PRKN: variants seen among roughly 807,000 people sequenced by gnomAD.
The protein encoded by PRKN is parkin RBR E3 ubiquitin protein ligase.
Under a neutral mutation model 59.5 loss-of-function variants are expected in PRKN, and 56 were observed. The observed-to-expected ratio is 0.94, with a 90% CI of 0.76 to 1.18. The LOEUF (loss-of-function observed/expected upper bound fraction) is 1.18. Among genes scored for constraint, PRKN ranks in the 50% most tolerant of loss-of-function variants. PRKN has a pLI of 0.00. For synonymous variants in PRKN, 250 were observed against 222.1 expected, an observed-to-expected ratio of 1.13 and a Z score of -1.12; for missense variants, 657 against 596.4, an observed-to-expected ratio of 1.10 and a Z score of -1.06.
chr6:162,360,569 A>G (rs1182508064), intron 2 of PRKN, among the ~76,000 whole-genome samples: 1 of 152,230 alleles, frequency 6.6e-6, no homozygotes, highest in Non-Finnish European at 1.5e-5. Flanking sequence ...AGCACATAAA[A>G]TAAGTCATTT....
Position 162,384,428 on chromosome 6 carries a change from C to A in PRKN, c.171+58882G>T, listed in dbSNP as rs575896023. Reference sequence around the variant, plus strand: ...TGGTCAGTGGAGCAGTCAGAAGACACACATTAAGTTTGCCACCTTGTAAGG... The same window carrying A: ...TGGTCAGTGGAGCAGTCAGAAGACAAACATTAAGTTTGCCACCTTGTAAGG... On this transcript the variant is annotated intron_variant, in intron 2 of 11. Transcript: ENST00000366898. 7.9e-5 allele frequency among the ~76,000 whole-genome samples: 12 copies of A among 152,192 alleles called. 1 individual carries two copies. Among genetic ancestry groups the A allele is most frequent in the Admixed American group, 7.2e-4 (11 of 15,266 alleles).
At chr6:162,384,439 T>G (rs1453730373) in intron 2 of PRKN, among the ~76,000 whole-genome samples, 1 of 152,100 alleles carries the variant, frequency 6.6e-6, no homozygotes, top group Non-Finnish European at 1.5e-5. Flanking sequence ...ACATTAAGTT[T>G]GCCACCTTGT....
At chr6:161,794,923 C>T (rs1226644540) in intron 6 of PRKN, among the ~76,000 whole-genome samples, 1 of 151,948 alleles carries the variant, frequency 6.6e-6, no homozygotes, top group East Asian at 1.9e-4. Context: ...CTCGTTCTGT[C>T]ACCCAGGCTG....
chr6:162,414,726 A>AAAAAAAAAAAAAAAAGGT (rs34838356), intron 2 of PRKN, among the ~76,000 whole-genome samples: 10 of 91,874 alleles, frequency 1.1e-4, no homozygotes, highest in East Asian at 3.7e-4. Context: ...AAAAAAAAAA[A>AAAAAAAAAAAAAAAAGGT]AGTGAATCTT....
chr6:161,770,581 C>A (rs1253231088), intron 7 of PRKN, among the ~76,000 whole-genome samples: 4 of 152,086 alleles, frequency 2.6e-5, no homozygotes, highest in Non-Finnish European at 4.4e-5. Flanking sequence ...GATTCTCCTG[C>A]CTCAGCCTCC....
Position 162,194,688 on chromosome 6 carries a change from C to T in PRKN, c.534+6443G>A, listed in dbSNP as rs145964712. ...AAATTTTAAGTTCTTTATGGTAATCCTTTTTTATATGTTTATTTTTATATG... is the reference window on the plus strand; with the variant it reads ...AAATTTTAAGTTCTTTATGGTAATCTTTTTTTATATGTTTATTTTTATATG... On this transcript the variant is annotated intron_variant, in intron 4 of 11. Transcript: ENST00000366898. Among the ~76,000 whole-genome samples the T allele has an allele frequency of 3.5e-3, 538 of 151,734 alleles. 3 individuals are homozygous for T. Among genetic ancestry groups the T allele is most frequent in the Non-Finnish European group, 6.0e-3 (406 of 67,912 alleles).
chr6:161,587,144 C>A (rs1781550519), intron 7 of PRKN, among the ~76,000 whole-genome samples: 1 of 152,156 alleles, frequency 6.6e-6, no homozygotes, highest in Non-Finnish European at 1.5e-5. Context: ...AAATTGGTTA[C>A]CACTTAAAGG....
chr6:161,366,788 T>C (rs1313855513), intron 10 of PRKN, among the ~76,000 whole-genome samples: 4 of 152,058 alleles, frequency 2.6e-5, no homozygotes, highest in Non-Finnish European at 5.9e-5. Flanking sequence ...TGTACCTGAC[T>C]TCCGATTTCT....
chr6:162,584,167 T>C (rs1158443088), intron 1 of PRKN, among the ~76,000 whole-genome samples: 4 of 147,144 alleles, frequency 2.7e-5, no homozygotes, highest in Non-Finnish European at 5.9e-5. Context: ...AAGCTGAGAT[T>C]GCGTCACTGC....
intron 7 of PRKN, among the ~76,000 whole-genome samples, chr6:161,722,810 T>G (rs2128185796): frequency 6.6e-6 from 1 of 152,366 alleles, no homozygotes; most frequent in South Asian, 2.1e-4. Context: ...TTTTTACAAT[T>G]TTTCTTTAAA....
intron 9 of PRKN, among the ~76,000 whole-genome samples, chr6:161,490,826 C>A (rs377377317): frequency 2.6e-5 from 4 of 152,092 alleles, no homozygotes. Flanking sequence ...ACCATCCCAT[C>A]GGTGCTGTTC....
intron 7 of PRKN, among the ~76,000 whole-genome samples, chr6:161,666,631 T>A (rs769991896): frequency 6.6e-6 from 1 of 152,206 alleles, no homozygotes; most frequent in Non-Finnish European, 1.5e-5. Context: ...CAAGGCAAAT[T>A]TACTACAAAA....
chr6:161,675,118 C>T (rs2128170306), intron 7 of PRKN, among the ~76,000 whole-genome samples: 1 of 152,234 alleles, frequency 6.6e-6, no homozygotes, highest in East Asian at 1.9e-4. Flanking sequence ...GAATAGAAGC[C>T]GTGTCTCTAT....
intron 9 of PRKN, among the ~76,000 whole-genome samples, chr6:161,531,131 C>T (rs980320717): frequency 1.3e-5 from 2 of 152,004 alleles, no homozygotes; most frequent in Non-Finnish European, 2.9e-5. Context: ...CCTGTAATCC[C>T]AGCATTTTGG....
chr6:161,949,045 G>T lies in PRKN; in HGVS notation c.734+24257C>A, dbSNP rs535981402. On this transcript the variant is annotated intron_variant, in intron 6 of 11. Coordinates refer to ENST00000366898, the MANE Select transcript of PRKN (RefSeq NM_004562.3). Reference sequence around the variant, plus strand: ...AAGTGGACTGCAGGGCTGCAGGGAAGCCTGATCAACACGTGGGCTCCAGGC... The same window carrying T: ...AAGTGGACTGCAGGGCTGCAGGGAATCCTGATCAACACGTGGGCTCCAGGC... Among the ~76,000 whole-genome samples, 24 of 152,298 alleles carry T rather than the reference G, an allele frequency of 1.6e-4. No individual in the cohort carries two copies. In the South Asian group the frequency reaches 5.0e-3, roughly 32 times the overall value.
chr6:161,733,804 A>ATATATATATATG lies in PRKN; in HGVS notation c.871+51967_871+51968insCATATATATATA, dbSNP rs1554298528. On this transcript the variant is annotated intron_variant, in intron 7 of 11. Coordinates refer to ENST00000366898, the MANE Select transcript of PRKN (RefSeq NM_004562.3). ...AAAAAATATATATATATATGTATAT[A>ATATATATATATG]TATATATATATATATATGTATTCCA... Among the ~76,000 whole-genome samples the ATATATATATATG allele has an allele frequency of 6.6e-4, 85 of 129,026 alleles. 1 individual carries two copies. The highest frequency in any genetic ancestry group is 3.2e-3 in the African/African-American group (81 of 25,690). 84.6% of individuals were successfully genotyped at this position (129,026 alleles called of 152,430 possible).
intron 2 of PRKN, among the ~76,000 whole-genome samples, chr6:162,356,746 GTA>G (rs1784879335): frequency 2.0e-5 from 1 of 50,114 alleles, no homozygotes. Context: ...GTGATTATTA[GTA>G]AAAAAAAAAA....
intron 1 of PRKN, among the ~76,000 whole-genome samples, chr6:162,487,085 GAAAAGTA>G (rs1416563685): frequency 1.3e-5 from 2 of 151,820 alleles, no homozygotes; most frequent in Non-Finnish European, 1.5e-5. Flanking sequence ...AAAAAGAAAA[GAAAAGTA>G]GATTTTAAGG....
At chr6:161,572,350 G>A (rs1193369295) in intron 7 of PRKN, among the ~76,000 whole-genome samples, 1 of 152,084 alleles carries the variant, frequency 6.6e-6, no homozygotes, top group Admixed American at 6.6e-5. Flanking sequence ...GTAAACAGGT[G>A]ATGCCACCAA....
Sources: allele counts gnomAD v4.1 joint callset (sites outside exome capture counted in the v4.1 genomes callset), GRCh38; gene constraint gnomAD v4.1.1; transcripts MANE v1.5; gene names NCBI Gene and HGNC (gene_info 2026-07-23, HGNC 2026-07-21).